BANP: variants seen among roughly 807,000 people sequenced by gnomAD.
The protein encoded by BANP is protein BANP.
BANP carries 11 observed loss-of-function variants against 68.1 expected under a neutral mutation model. The observed-to-expected ratio is 0.16, with a 90% confidence interval of 0.10 to 0.27. BANP has a LOEUF of 0.27. Among genes scored for constraint, BANP ranks in the 10% least tolerant of loss-of-function variants. The pLI is 1.00. For synonymous variants in BANP, 329 were observed against 303.2 expected, an observed-to-expected ratio of 1.09 and a Z score of -0.88; for missense variants, 504 against 722.7, an observed-to-expected ratio of 0.70 and a Z score of 3.47.
At position 87,984,278 on chromosome 16, in the gene BANP, G is replaced by C. The variant is rs1358000141; in HGVS notation, c.362+19G>C. The C allele has an allele frequency of 1.3e-6, 2 of 1,553,710 alleles. No homozygotes were observed. The highest frequency in any genetic ancestry group is 3.9e-5 in the Admixed American group (2 of 51,158). On this transcript the variant is annotated intron_variant, in intron 4 of 13. Coordinates refer to ENST00000682872, the MANE Select transcript of BANP (RefSeq NM_001386991.1). Reference sequence around the variant, plus strand: ...TGCGATGGTAAGAACAGACCAGGGTGCCGGGGCCTTCAGGTCACTTGGGGA... The same window carrying C: ...TGCGATGGTAAGAACAGACCAGGGTCCCGGGGCCTTCAGGTCACTTGGGGA...
intron 1 of BANP, among the ~76,000 whole-genome samples, chr16:87,974,233 T>C (rs1597958240): frequency 6.6e-6 from 1 of 152,274 alleles, no homozygotes; most frequent in East Asian, 1.9e-4. Context: ...TGGATCTGTG[T>C]GTCCATAGAC....
chr16:88,003,024 G>A lies in BANP; in HGVS notation c.363-1271G>A, dbSNP rs2069890305. ...TCCACTTGGGGAACATACCAAGCTC[G>A]TGCAAGTCAGGTAGCCTCTCCAGTT... is the stretch of plus-strand genomic sequence containing the variant. On this transcript the variant is annotated intron_variant, in intron 4 of 13. Coordinates refer to ENST00000682872, the MANE Select transcript of BANP (RefSeq NM_001386991.1). This position sits in a 1 kb window ranked among gnomAD's most constrained non-coding sequence, Gnocchi z 6.1. 1.3e-5 allele frequency among the ~76,000 whole-genome samples: 2 copies of A among 152,134 alleles called. No homozygotes were observed. The highest frequency in any genetic ancestry group is 2.4e-5 in the African/African-American group (1 of 41,434).
chr16:87,956,129 G>T (rs11643960), intron 1 of BANP, among the ~76,000 whole-genome samples: 1 of 151,970 alleles, frequency 6.6e-6, no homozygotes, highest in Non-Finnish European at 1.5e-5. Context: ...CTCGTCTGCA[G>T]TGATACTGTA....
intron 4 of BANP, among the ~76,000 whole-genome samples, chr16:87,992,822 T>C (rs965610483): frequency 1.1e-4 from 17 of 152,000 alleles, no homozygotes; most frequent in African/African-American, 4.1e-4. Context: ...AAATGTAGAA[T>C]TTCTTGAGTT....
At chr16:88,069,523 C>T (rs1027062972) in intron 12 of BANP, among the ~76,000 whole-genome samples, 3 of 152,192 alleles carry the variant, frequency 2.0e-5, no homozygotes, top group African/African-American at 7.2e-5. Flanking sequence ...TGCTGCTCCG[C>T]TATGGACGGT....
intron 1 of BANP, among the ~76,000 whole-genome samples, chr16:87,962,451 G>T (rs936945629): frequency 3.9e-5 from 6 of 152,024 alleles, no homozygotes; most frequent in Admixed American, 3.3e-4. Flanking sequence ...ATCTGTACAG[G>T]TGCAAGCTCT....
intron 11 of BANP, among the ~76,000 whole-genome samples, chr16:88,044,692 C>T (rs903627994): frequency 6.6e-6 from 1 of 152,136 alleles, no homozygotes; most frequent in African/African-American, 2.4e-5. Context: ...TAAAAATTTA[C>T]AACTATATAG....
At chr16:88,008,978 T>C (rs1190616953) in intron 6 of BANP, among the ~76,000 whole-genome samples, 2 of 152,244 alleles carry the variant, frequency 1.3e-5, no homozygotes, top group Admixed American at 6.5e-5. Flanking sequence ...GTCGGTGTTA[T>C]GAAAATATCT....
upstream of BANP, chr16:87,949,757 A>T (rs570259580): frequency 6.6e-6 from 1 of 152,180 alleles, no homozygotes; most frequent in Non-Finnish European, 1.5e-5. Context: ...GGAGACTTTA[A>T]CTCGGTAAGG....
chr16:88,067,525 C>T (rs2089031681), intron 12 of BANP, among the ~76,000 whole-genome samples: 2 of 152,174 alleles, frequency 1.3e-5, no homozygotes, highest in African/African-American at 2.4e-5. Flanking sequence ...GCACTGCCAC[C>T]GCTCAAACCT....
chr16:88,012,799 A>G (rs774066640), intron 6 of BANP, among the ~76,000 whole-genome samples: 9 of 152,162 alleles, frequency 5.9e-5, no homozygotes, highest in Non-Finnish European at 1.3e-4. Context: ...GAGGGATCTT[A>G]AAAAGATTGT....
At chr16:88,042,882 A>G (rs944134066) in intron 11 of BANP, among the ~76,000 whole-genome samples, 1 of 152,244 alleles carries the variant, frequency 6.6e-6, no homozygotes, top group Non-Finnish European at 1.5e-5. Flanking sequence ...GTGCCACTGC[A>G]TTCCAGCCTG....
intron 2 of BANP, among the ~76,000 whole-genome samples, chr16:87,979,115 G>A (rs149636709): frequency 0.011 from 1,639 of 152,268 alleles, 14 homozygotes; most frequent in Non-Finnish European, 0.016. Flanking sequence ...GCATCTTTAA[G>A]TTTCAGAGTT....
At chr16:88,033,391 A>T (rs2078627138) in intron 9 of BANP, 146 bp downstream of exon 9, 2 of 866,956 alleles carry the variant, frequency 2.3e-6, no homozygotes, top group African/African-American at 3.4e-5. Context: ...TTTAAAGTAG[A>T]GGTCATCGTG....
intron 6 of BANP, among the ~76,000 whole-genome samples, chr16:88,016,176 T>A (rs113427232): frequency 6.6e-6 from 1 of 152,214 alleles, no homozygotes; most frequent in African/African-American, 2.4e-5. Flanking sequence ...AGGAAATCTG[T>A]GGCATGGTTT....
At chr16:88,041,106 G>A (rs1454329066) in intron 11 of BANP, among the ~76,000 whole-genome samples, 1 of 152,234 alleles carries the variant, frequency 6.6e-6, no homozygotes, top group Non-Finnish European at 1.5e-5. Flanking sequence ...CTTGTGCTGG[G>A]CTCACACTTG....
At chr16:88,054,875 G>T (rs1217697341) in intron 11 of BANP, among the ~76,000 whole-genome samples, 2 of 152,180 alleles carry the variant, frequency 1.3e-5, no homozygotes, top group Non-Finnish European at 2.9e-5. Context: ...GGATTCTGCA[G>T]ATTGAATCTA....
In BANP at chr16:88,002,130, T is replaced by G. The variant is rs2069581906; in HGVS notation, c.363-2165T>G. ...GGATGATTATGTTTGACTGCTTAGA[T>G]GAGACAGGATTCCATGTTGGTCCTG... On this transcript the variant is annotated intron_variant, in intron 4 of 13. Transcript: ENST00000682872. This position sits in a 1 kb window ranked among gnomAD's most constrained non-coding sequence, Gnocchi z 4.6. Among the ~76,000 whole-genome samples, 1 of 152,196 alleles carries G rather than the reference T, an allele frequency of 6.6e-6. No individual in the cohort carries two copies. Among genetic ancestry groups the G allele is most frequent in the South Asian group, 2.1e-4 (1 of 4,822 alleles).
At chr16:87,987,612 T>A (rs1237243102) in intron 4 of BANP, among the ~76,000 whole-genome samples, 2 of 146,224 alleles carry the variant, frequency 1.4e-5, no homozygotes, top group African/African-American at 5.1e-5. Context: ...CTGTAATCTC[T>A]TAGGAGGCTG....
Sources: gnomAD v4.1 joint callset for allele counts (sites outside exome capture counted in the v4.1 genomes callset) on GRCh38, gnomAD v4.1.1 for gene constraint, Gnocchi (gnomAD v3.1) non-coding constraint, MANE v1.5 for transcripts, NCBI Gene and HGNC (gene_info 2026-07-23, HGNC 2026-07-21) for gene names.